RIT2: variants seen among roughly 807,000 people sequenced by gnomAD.
RIT2 encodes Ras like without CAAX 2, also known as GTP-binding protein Rit2.
Under a neutral mutation model 23.7 loss-of-function variants are expected in RIT2, and 24 were observed. The observed-to-expected ratio is 1.01, with a 90% CI of 0.73 to 1.43. RIT2 has a LOEUF of 1.43. Ranked by LOEUF, RIT2 falls within the 40% of genes most tolerant of loss-of-function variation. The probability of loss-of-function intolerance (pLI) is 0.00; values close to 1 mark genes in which losing one functional copy is unlikely to be tolerated. For missense variants in RIT2, 236 were observed against 266.9 expected (o/e 0.88, Z 0.81); for synonymous variants, 107 against 91.1 (o/e 1.17, Z -0.99).
intron 1 of RIT2, among the ~76,000 whole-genome samples, chr18:43,099,618 C>T (rs1172518943): frequency 1.3e-5 from 2 of 152,028 alleles, no homozygotes; most frequent in Non-Finnish European, 2.9e-5. Flanking sequence ...GTCTTAAACT[C>T]AATGGGAGTA....
intron 4 of RIT2, among the ~76,000 whole-genome samples, chr18:42,871,103 T>C (rs1907612107): frequency 1.3e-5 from 2 of 152,356 alleles, no homozygotes; most frequent in Admixed American, 1.3e-4. Context: ...TGTTGAGATA[T>C]TATTATTCAG....
intron 4 of RIT2, among the ~76,000 whole-genome samples, chr18:42,880,807 T>TTA (rs1224517562): frequency 1.4e-5 from 2 of 147,568 alleles, no homozygotes; most frequent in African/African-American, 5.1e-5. Context: ...CCTACCTCTT[T>TTA]TTTTTTTTTT....
intron 1 of RIT2, among the ~76,000 whole-genome samples, chr18:43,039,466 A>G (rs1912076026): frequency 6.6e-6 from 1 of 150,824 alleles, no homozygotes; most frequent in South Asian, 2.1e-4. Flanking sequence ...ATCCTGCCTC[A>G]GCCTCCTGAG....
chr18:42,833,811 G>A (rs561858990), intron 4 of RIT2, among the ~76,000 whole-genome samples: 45 of 151,670 alleles, frequency 3.0e-4, no homozygotes, highest in Middle Eastern at 3.4e-3. Flanking sequence ...TGGTATGTAT[G>A]GATAGGAAGA....
chr18:42,814,225 C>T (rs1905930962), intron 4 of RIT2, among the ~76,000 whole-genome samples: 2 of 152,178 alleles, frequency 1.3e-5, no homozygotes, highest in Admixed American at 1.3e-4. Flanking sequence ...CTAGCCTGAA[C>T]TCAGGGGAGG....
At chr18:42,800,450 G>A (rs1372425030) in intron 4 of RIT2, among the ~76,000 whole-genome samples, 2 of 151,694 alleles carry the variant, frequency 1.3e-5, no homozygotes, top group Non-Finnish European at 1.5e-5. Context: ...TTCACATATG[G>A]AAGTAAATGT....
At chr18:43,069,368 G>C (rs1484398006) in intron 1 of RIT2, among the ~76,000 whole-genome samples, 1 of 152,092 alleles carries the variant, frequency 6.6e-6, no homozygotes, top group Non-Finnish European at 1.5e-5. Flanking sequence ...GACTCGCTCT[G>C]AATTCTTTCT....
intron 4 of RIT2, among the ~76,000 whole-genome samples, chr18:42,799,447 G>A (rs1324965069): frequency 6.6e-6 from 1 of 152,088 alleles, no homozygotes; most frequent in Non-Finnish European, 1.5e-5. Context: ...AATCTCCACT[G>A]CTCTTCCCAT....
intron 1 of RIT2, among the ~76,000 whole-genome samples, chr18:43,042,130 A>C (rs2144295435): frequency 6.6e-6 from 1 of 152,294 alleles, no homozygotes; most frequent in Admixed American, 6.5e-5. Context: ...GTGAAATGGG[A>C]AAAATGAGAT....
chr18:42,874,478 C>A (rs1907696058), intron 4 of RIT2, among the ~76,000 whole-genome samples: 1 of 152,020 alleles, frequency 6.6e-6, no homozygotes, highest in African/African-American at 2.4e-5. Flanking sequence ...ATAGAAGAAA[C>A]TGTTTACATT....
At chr18:43,078,094 A>G (rs1339188429) in intron 1 of RIT2, among the ~76,000 whole-genome samples, 2 of 152,198 alleles carry the variant, frequency 1.3e-5, no homozygotes, top group Non-Finnish European at 2.9e-5. Context: ...TTCACAGTCA[A>G]CCTCAGCATA....
chr18:42,844,288 TG>T (rs574073326), intron 4 of RIT2, among the ~76,000 whole-genome samples: 141 of 152,282 alleles, frequency 9.3e-4, no homozygotes, highest in African/African-American at 3.0e-3. Flanking sequence ...CCTTGTCACA[TG>T]GGGCAGCTGC....
intron 4 of RIT2, among the ~76,000 whole-genome samples, chr18:42,840,025 C>T (rs1328965219): frequency 1.3e-5 from 2 of 152,118 alleles, no homozygotes; most frequent in Non-Finnish European, 2.9e-5. Context: ...TAAGGGTCAA[C>T]CAAAAAAGGT....
chr18:43,115,576 TGCTCGAATATTAA>T lies in RIT2; in HGVS notation c.-70_-58del, dbSNP rs1914050651. ...GAGAAAGTCACCCGTGTCAGGTGCT[TGCTCGAATATTAA>T]GCAACTCTAAAACTGTGTCAAAGCA... On this transcript the variant is annotated 5_prime_UTR_variant, in exon 1 of 5. Transcript: ENST00000326695. The T allele has an allele frequency of 6.3e-7, 1 of 1,579,314 alleles. No individual in the cohort carries two copies. The highest frequency in any genetic ancestry group is 1.2e-5 in the South Asian group (1 of 86,190).
chr18:42,866,248 C>G (rs185084674), intron 4 of RIT2, among the ~76,000 whole-genome samples: 106 of 152,240 alleles, frequency 7.0e-4, no homozygotes, highest in Admixed American at 1.0e-3. Context: ...GTCTTGTTAT[C>G]AATCCTTAAG....
intron 4 of RIT2, among the ~76,000 whole-genome samples, chr18:42,779,624 T>TA (rs1913758900): frequency 6.6e-6 from 1 of 152,200 alleles, no homozygotes. Context: ...AACTGTGAAA[T>TA]ATGTGATCAC....
intron 4 of RIT2, among the ~76,000 whole-genome samples, chr18:42,858,237 T>C (rs1354245051): frequency 6.6e-6 from 1 of 152,160 alleles, no homozygotes; most frequent in Non-Finnish European, 1.5e-5. Flanking sequence ...GCAGAGTTGC[T>C]CTTAATATCA....
intron 4 of RIT2, among the ~76,000 whole-genome samples, chr18:42,902,693 G>A (rs1213392480): frequency 6.6e-6 from 1 of 151,604 alleles, no homozygotes; most frequent in Non-Finnish European, 1.5e-5. Flanking sequence ...AAATATGTTT[G>A]TGGAAAACTG....
At chr18:42,809,734 T>C (rs536531573) in intron 4 of RIT2, among the ~76,000 whole-genome samples, 1 of 150,528 alleles carries the variant, frequency 6.6e-6, no homozygotes, top group African/African-American at 2.4e-5. Flanking sequence ...AAGACAATAA[T>C]TTGAATGGCT....
Sources: gnomAD v4.1 joint callset for allele counts (sites outside exome capture counted in the v4.1 genomes callset) on GRCh38, gnomAD v4.1.1 for gene constraint, MANE v1.5 for transcripts, NCBI Gene and HGNC (gene_info 2026-07-23, HGNC 2026-07-21) for gene names.